Variants in ZNF236 observed in about 807,000 individuals in gnomAD.
ZNF236 encodes the protein regulated by glucose.
Under a neutral mutation model 191.2 loss-of-function variants are expected in ZNF236, and 50 were observed. The ratio of observed to expected loss-of-function variants is 0.26; its 90% CI spans 0.21 to 0.33. ZNF236 has a LOEUF of 0.33. ZNF236 is among the 10% of genes least tolerant of loss of function. ZNF236 has a pLI of 1.00. For synonymous variants in ZNF236, 907 were observed against 928.8 expected (o/e 0.98, Z 0.43); for missense variants, 1,754 against 2,374.5 (o/e 0.74, Z 5.43).
intron 11 of ZNF236, 38 bp downstream of exon 11, chr18:76,899,260 G>A (rs748320270): frequency 6.4e-7 from 1 of 1,552,804 alleles, no homozygotes; most frequent in Non-Finnish European, 8.8e-7. Context: ...AATTTATTGA[G>A]TACTATTTTC....
At chr18:76,865,991 A>C (rs1328807216) in intron 3 of ZNF236, among the ~76,000 whole-genome samples, 1 of 152,238 alleles carries the variant, frequency 6.6e-6, no homozygotes, top group Non-Finnish European at 1.5e-5. Context: ...CACACTGGTC[A>C]CTACTCTGTC....
intron 9 of ZNF236, among the ~76,000 whole-genome samples, chr18:76,893,371 C>T (rs1450930513): frequency 6.6e-6 from 1 of 152,162 alleles, no homozygotes; most frequent in Non-Finnish European, 1.5e-5. Flanking sequence ...AATGTCTCAC[C>T]TTTTAAAACC....
At chr18:76,932,052 T>A (rs916081325) in intron 25 of ZNF236, among the ~76,000 whole-genome samples, 9 of 152,238 alleles carry the variant, frequency 5.9e-5, no homozygotes, top group Non-Finnish European at 1.3e-4. Flanking sequence ...GGACTGTGAC[T>A]CTGGGCAGGT....
intron 4 of ZNF236, among the ~76,000 whole-genome samples, chr18:76,870,974 C>G (rs1976568332): frequency 6.6e-6 from 1 of 151,992 alleles, no homozygotes; most frequent in African/African-American, 2.4e-5. Context: ...AGCAGGGAGA[C>G]CTTTTTGGAG....
Position 76,925,400 on chromosome 18 carries a change from A to G in ZNF236, c.3873A>G (p.Ser1291=), listed in dbSNP as rs771377884. ...KKARKPMTRS[S]SEGLQPVNLL... ...CCAGAAAGCCTATGACTCGAAGCTC[A>G]TCGGAAGGACTGCAGCCTGTAAACC... Residue 1291 remains serine, a synonymous_variant, in exon 22 of 31, where the codon TCA becomes TCG. Coordinates refer to ENST00000320610, the MANE Select transcript of ZNF236 (RefSeq NM_001306089.2). The surrounding 1 kb of genome is among the most constrained non-coding windows in gnomAD (Gnocchi z 5.7). 1 of 1,613,662 alleles carries G rather than the reference A, an allele frequency of 6.2e-7. No individual in the cohort carries two copies. Among genetic ancestry groups the G allele is most frequent in the South Asian group, 1.1e-5 (1 of 91,072 alleles).
In ZNF236 at chr18:76,828,637, G is replaced by T. The variant is rs138622149; in HGVS notation, c.55+5975G>T. Among the ~76,000 whole-genome samples the T allele has an allele frequency of 2.8e-3, 422 of 152,236 alleles. 6 individuals carry two copies. Among genetic ancestry groups the T allele is most frequent in the African/African-American group, 9.8e-3 (409 of 41,538 alleles). ...ATGAAACCCTCCACTCTCCATAATT[G>T]AACTTTTTAGGTAGGCCGAAATTTG... On this transcript the variant is annotated intron_variant, in intron 1 of 30. Coordinates refer to ENST00000320610, the MANE Select transcript of ZNF236 (RefSeq NM_001306089.2).
intron 3 of ZNF236, among the ~76,000 whole-genome samples, chr18:76,867,465 C>G (rs1228261899): frequency 6.6e-6 from 1 of 152,098 alleles, no homozygotes; most frequent in Non-Finnish European, 1.5e-5. Context: ...TTAACAGCCT[C>G]ATTTTAATGA....
rs1165631082 is a variant in ZNF236 at position 76,969,426 on chromosome 18, A to C, written c.*1087A>C. ...TCCTTTGAAATTATTTATATGTTCTATATATAAATACATATGTACATAGAT... is the reference window on the plus strand; with the variant it reads ...TCCTTTGAAATTATTTATATGTTCTCTATATAAATACATATGTACATAGAT... On this transcript the variant is annotated 3_prime_UTR_variant, in exon 31 of 31. Coordinates refer to ENST00000320610, the MANE Select transcript of ZNF236 (RefSeq NM_001306089.2). 6.6e-6 allele frequency: 1 copy of C among 152,598 alleles called. No individual in the cohort carries two copies. Among genetic ancestry groups the C allele is most frequent in the South Asian group, 2.1e-4 (1 of 4,828 alleles). 9.5% of individuals were successfully genotyped at this position (152,598 alleles called of 1,614,324 possible).
At chr18:76,941,488 C>T (rs933982684) in intron 26 of ZNF236, among the ~76,000 whole-genome samples, 4 of 152,286 alleles carry the variant, frequency 2.6e-5, no homozygotes, top group Non-Finnish European at 5.9e-5. Flanking sequence ...TTGCCACGCC[C>T]TCTCCCTCCC....
chr18:76,872,718 T>C (rs1012771063), intron 5 of ZNF236, among the ~76,000 whole-genome samples: 2 of 152,214 alleles, frequency 1.3e-5, no homozygotes, highest in Non-Finnish European at 2.9e-5. Flanking sequence ...ACGCATGATC[T>C]CTAGGGAAGG....
intron 1 of ZNF236, among the ~76,000 whole-genome samples, chr18:76,826,872 C>G (rs1975033941): frequency 6.6e-6 from 1 of 151,024 alleles, no homozygotes; most frequent in Non-Finnish European, 1.5e-5. Flanking sequence ...ACACTAATTC[C>G]TGTATTCAAC....
At chr18:76,895,347 C>G in intron 10 of ZNF236, 62 bp downstream of exon 10, 1 of 1,577,060 alleles carries the variant, frequency 6.3e-7, no homozygotes, top group Non-Finnish European at 8.6e-7. Context: ...CATTACTGCG[C>G]ACATATACCA....
In ZNF236 at chr18:76,835,793, A is replaced by G. The variant is rs56061327; in HGVS notation, c.55+13131A>G. On this transcript the variant is annotated intron_variant, in intron 1 of 30. Transcript: ENST00000320610. ...AGTACATTTAAGGCCGTTTTGAGAC[A>G]TAGTTTTCTACTTGATTCATCATTT... is the stretch of plus-strand genomic sequence containing the variant. Among the ~76,000 whole-genome samples, 1,007 of 152,318 alleles carry G rather than the reference A, an allele frequency of 6.6e-3. 5 individuals carry two copies. The highest frequency in any genetic ancestry group is 0.011 in the Non-Finnish European group (733 of 68,028).
Position 76,895,186 on chromosome 18 carries a change from A to T in ZNF236, c.1591A>T (p.Ile531Phe). The T allele has an allele frequency of 6.2e-7, 1 of 1,604,600 alleles. No homozygotes were observed. The change falls in exon 10 of 31, where the codon ATC becomes TTC. Residue 531 changes from isoleucine (I) to phenylalanine (F), a missense_variant. By Grantham distance (21) the Ile-to-Phe change is conservative (BLOSUM62 0). Transcript: ENST00000320610. ...FAVKSTLTAH[I>F]KTHTGIKAFK... ...CGTGAAGAGCACGCTGACAGCGCAC[A>T]TCAAGACGCACACCGGCATCAAGGC...
intron 21 of ZNF236, 71 bp downstream of exon 21, chr18:76,923,245 T>G (rs1236184336): frequency 9.2e-7 from 1 of 1,084,554 alleles, no homozygotes. Flanking sequence ...TTCCTATATA[T>G]TTTGTGTACA....
At position 76,968,502 on chromosome 18, in the gene ZNF236, G is replaced by T; in HGVS notation, c.*163G>T. The T allele has an allele frequency of 7.6e-7, 1 of 1,307,688 alleles. No homozygotes were observed. The highest frequency in any genetic ancestry group is 9.8e-7 in the Non-Finnish European group (1 of 1,018,172). 81.0% of individuals were successfully genotyped at this position (1,307,688 alleles called of 1,614,324 possible). A position where few individuals can be genotyped will look rare whatever the true frequency, so the allele number is the denominator to read the frequency against. On this transcript the variant is annotated 3_prime_UTR_variant, in exon 31 of 31. Transcript: ENST00000320610. ...ATCATTGTCTTTCAGAGACTCATAG[G>T]AAAAAAAAACTAGGAAAAGTGTCAC...
At position 76,927,169 on chromosome 18, in the gene ZNF236, A is replaced by G. The variant is rs1420499152; in HGVS notation, c.4160A>G (p.Asn1387Ser). 6.2e-7 allele frequency: 1 copy of G among 1,613,976 alleles called. No homozygotes were observed. The highest frequency in any genetic ancestry group is 1.7e-5 in the Admixed American group (1 of 60,010). ...ISGIDAASINNITLQIDPSIL... is the reference protein window; with the variant it reads ...ISGIDAASINSITLQIDPSIL... ...GGAATCGATGCTGCCAGCATTAATA[A>G]CATTACGTTGCAGGTATGACACCTT... The change falls in exon 23 of 31, where the codon AAC becomes AGC. Residue 1387 changes from asparagine to serine, a missense_variant. Physicochemically the swap from Asn to Ser is conservative, Grantham distance 46. This residue lies in a region of ZNF236 where 606 missense variants were observed against 761.5 expected (regional missense o/e 0.80). Transcript: ENST00000320610. This position sits in a 1 kb window ranked among gnomAD's most constrained non-coding sequence, Gnocchi z 5.4.
chr18:76,967,780 AG>A (rs1968820753), intron 30 of ZNF236, among the ~76,000 whole-genome samples: 1 of 151,596 alleles, frequency 6.6e-6, no homozygotes, highest in South Asian at 2.1e-4. Context: ...GTACTTTGTG[AG>A]GGGAGCTCGA....
chr18:76,961,433 C>G (rs1599430060), intron 30 of ZNF236, among the ~76,000 whole-genome samples: 1 of 150,420 alleles, frequency 6.6e-6, no homozygotes, highest in South Asian at 2.1e-4. Context: ...ACCACAGTTT[C>G]TTTATCCACT....
Sources: gnomAD v4.1 joint callset for allele counts (sites outside exome capture counted in the v4.1 genomes callset) on GRCh38, gnomAD v4.1.1 for gene constraint, gnomAD v4.1.1 regional missense constraint, Gnocchi (gnomAD v3.1) non-coding constraint, MANE v1.5 for transcripts, NCBI Gene and HGNC (gene_info 2026-07-23, HGNC 2026-07-21) for gene names.